The following USP33 variants were observed in gnomAD, a reference collection of about 807,000 sequenced individuals.
The protein encoded by USP33 is ubiquitin specific peptidase 33, also known as ubiquitin carboxyl-terminal hydrolase 33.
In USP33, 46 loss-of-function variants were observed where a neutral mutation model predicts 124.2. That is an observed-to-expected ratio of 0.37 (90% CI 0.29 to 0.47). The LOEUF (loss-of-function observed/expected upper bound fraction) is 0.47, where lower values mean the gene tolerates loss of function less well. Among genes scored for constraint, USP33 ranks in the 20% least tolerant of loss-of-function variants. USP33 has a pLI of 0.99. For missense variants in USP33, 851 were observed against 1,070.6 expected (o/e 0.79, Z 2.86); for synonymous variants, 350 against 352.3 (o/e 0.99, Z 0.07).
chr1:77,723,697 A>G (rs1253270839), intron 11 of USP33, among the ~76,000 whole-genome samples: 2 of 151,964 alleles, frequency 1.3e-5, no homozygotes, highest in African/African-American at 4.8e-5. Flanking sequence ...GGAGTCTCGC[A>G]CTGTTGCCCA....
intron 21 of USP33, among the ~76,000 whole-genome samples, chr1:77,706,635 A>T (rs1035541469): frequency 7.2e-5 from 11 of 152,210 alleles, no homozygotes. Context: ...TTACTTCCAT[A>T]AAATTCACTG....
At chr1:77,741,045 T>C (rs560135582) in intron 3 of USP33, 106 bp from the exon 4 acceptor site, 5 of 779,558 alleles carry the variant, frequency 6.4e-6, no homozygotes, top group South Asian at 2.1e-5. Context: ...TTACCTGTTT[T>C]ACATTCAATG....
intron 5 of USP33, among the ~76,000 whole-genome samples, chr1:77,737,967 T>C (rs1486268202): frequency 6.6e-6 from 1 of 152,204 alleles, no homozygotes; most frequent in Non-Finnish European, 1.5e-5. Context: ...TTGTTAATAA[T>C]GTAAGAGGAT....
At chr1:77,749,306 GT>G (rs1480262500) in intron 1 of USP33, among the ~76,000 whole-genome samples, 1 of 151,440 alleles carries the variant, frequency 6.6e-6, no homozygotes, top group Non-Finnish European at 1.5e-5. Context: ...CACTATTTTT[GT>G]TCTGATCTGT....
At chr1:77,706,047 C>T (rs1674590397) in intron 21 of USP33, among the ~76,000 whole-genome samples, 1 of 152,080 alleles carries the variant, frequency 6.6e-6, no homozygotes, top group Non-Finnish European at 1.5e-5. Context: ...TTTGTTTATC[C>T]ATTTGTCAGA....
chr1:77,721,702 A>T, intron 14 of USP33, 129 bp downstream of exon 14: 2 of 771,726 alleles, frequency 2.6e-6, no homozygotes, highest in South Asian at 3.6e-5. Context: ...CACTAACCGA[A>T]TGCCAATATG....
In USP33 at chr1:77,722,013, T is replaced by C. The variant is rs780429445; in HGVS notation, c.1562+11A>G. 5.6e-6 allele frequency: 9 copies of C among 1,607,760 alleles called. No homozygotes were observed. The highest frequency in any genetic ancestry group is 5.1e-5 in the Admixed American group (3 of 58,538). Reference sequence around the variant, plus strand: ...TAACAATCATGTAATACAAAGAAAATAAATACATACCTCTTCACATATTCC... The same window carrying C: ...TAACAATCATGTAATACAAAGAAAACAAATACATACCTCTTCACATATTCC... On this transcript the variant is annotated intron_variant, in intron 13 of 23. Transcript: ENST00000370794.
rs773916921 is a variant in USP33 at position 77,697,132 on chromosome 1, T to C, written c.*185A>G. ...TATGGTAAGTATTTAAAACTAAATATACCAACCTGTGGTATATTACACATT... is the reference window on the plus strand; with the variant it reads ...TATGGTAAGTATTTAAAACTAAATACACCAACCTGTGGTATATTACACATT... On this transcript the variant is annotated 3_prime_UTR_variant, in exon 24 of 24. Transcript: ENST00000370794. The C allele has an allele frequency of 4.4e-4, 232 of 524,896 alleles. 1 individual carries two copies. Among genetic ancestry groups the C allele is most frequent in the Middle Eastern group, 2.3e-3 (4 of 1,774 alleles). 32.5% of individuals were successfully genotyped at this position (524,896 alleles called of 1,614,324 possible).
chr1:77,705,135 G>GA (rs921487868), intron 21 of USP33, among the ~76,000 whole-genome samples: 1 of 146,012 alleles, frequency 6.8e-6, no homozygotes, highest in South Asian at 2.2e-4. Context: ...AAAGGGGGGG[G>GA]GCTGAATAAA....
rs1295882335 is a variant in USP33 at position 77,728,357 on chromosome 1, G to A, written c.1073C>T (p.Ser358Phe). The part of the protein sequence containing the change: ...GEFDKDRDSI[S>F]ETVDLNNQET... ...CTGGTTGTTTAAGTCGACTGTTTCAGATATAGAGTCTCTATCTTTATCAAA... is the reference window on the plus strand; with the variant it reads ...CTGGTTGTTTAAGTCGACTGTTTCAAATATAGAGTCTCTATCTTTATCAAA... The change falls in exon 10 of 24, where the codon TCT (serine) becomes TTT (phenylalanine). Residue 358 changes from serine to phenylalanine, a missense_variant. Around this residue, in one of 4 missense-constraint regions of USP33, gnomAD observed 207 missense variants for 200.9 expected, o/e 1.03. Transcript: ENST00000370794. The A allele has an allele frequency of 6.2e-7, 1 of 1,613,096 alleles. No individual in the cohort carries two copies. The highest frequency in any genetic ancestry group is 8.5e-7 in the Non-Finnish European group (1 of 1,179,868).
chr1:77,758,327 C>T (rs1320469255), intron 1 of USP33, among the ~76,000 whole-genome samples: 2 of 151,858 alleles, frequency 1.3e-5, no homozygotes, highest in African/African-American at 2.4e-5. Flanking sequence ...ACTACAGGCA[C>T]CTGCCACCAT....
intron 19 of USP33, 81 bp from the exon 20 acceptor site, chr1:77,713,362 G>A (rs919444885): frequency 3.4e-5 from 39 of 1,140,648 alleles, no homozygotes; most frequent in Non-Finnish European, 4.5e-5. Flanking sequence ...TTTTTTAACA[G>A]TAACTAAATG....
chr1:77,736,659 G>A (rs1301871118), intron 5 of USP33, among the ~76,000 whole-genome samples: 1 of 151,830 alleles, frequency 6.6e-6, no homozygotes, highest in Admixed American at 6.6e-5. Context: ...TGCCAGGCTG[G>A]AGTGCAGTGG....
intron 1 of USP33, among the ~76,000 whole-genome samples, chr1:77,750,013 T>G (rs924124606): frequency 2.6e-5 from 4 of 152,346 alleles, no homozygotes; most frequent in Middle Eastern, 3.4e-3. Context: ...TTGCATTATC[T>G]AAACAATTTA....
rs372677734 is a variant in USP33, at chr1:77,717,963, C to T, written c.1822G>A (p.Gly608Ser). 12 of 1,613,850 alleles carry T rather than the reference C, an allele frequency of 7.4e-6. No homozygotes were observed. The African/African-American group carries it at 1.5e-4, about 20-fold the overall frequency. Residue 608 changes from glycine to serine, a missense_variant, in exon 17 of 24, where the codon GGC (glycine) becomes AGC (serine). Transcript: ENST00000370794. ...ISTHVSFPLE[G>S]LDLQPFLAKD... is the part of the protein sequence containing the mutation. ...GCAAGAAATGGCTGAAGATCCAAGC[C>T]TTCTAGCGGAAATGAAACATGGGTA...
chr1:77,720,165 G>GAA (rs745681259), intron 15 of USP33, among the ~76,000 whole-genome samples: 976 of 42,762 alleles, frequency 0.023, 156 homozygotes, highest in Non-Finnish European at 0.032. Context: ...TGTCTCAAAT[G>GAA]AAAAAAAAAA....
chr1:77,730,793 C>A, intron 7 of USP33, 62 bp from the exon 8 acceptor site: 2 of 1,125,894 alleles, frequency 1.8e-6, no homozygotes, highest in South Asian at 3.8e-5. Context: ...TATTTCTAGT[C>A]ATTCAATTAA....
Position 77,759,782 on chromosome 1 carries a change from G to A in USP33, c.-191C>T. 1 of 397,858 alleles carries A rather than the reference G, an allele frequency of 2.5e-6. No individual in the cohort carries two copies. Among genetic ancestry groups the A allele is most frequent in the East Asian group, 3.6e-5 (1 of 28,030 alleles). 24.6% of individuals were successfully genotyped at this position (397,858 alleles called of 1,614,324 possible). A position where few individuals can be genotyped will look rare whatever the true frequency, so the allele number is the denominator to read the frequency against. On this transcript the variant is annotated 5_prime_UTR_variant, in exon 1 of 24. Transcript: ENST00000370794. ...GAGGGCCGGAAAACGGCCCCGCAGC[G>A]CTGCCCTCGGGGGGTCCGCCTCCTG... is the stretch of plus-strand genomic sequence containing the variant.
intron 21 of USP33, among the ~76,000 whole-genome samples, chr1:77,709,200 G>T (rs1674959606): frequency 6.6e-6 from 1 of 151,866 alleles, no homozygotes; most frequent in Non-Finnish European, 1.5e-5. Flanking sequence ...ATTTAATGAG[G>T]TTATATGTTA....
Sources: allele counts gnomAD v4.1 joint callset (sites outside exome capture counted in the v4.1 genomes callset), GRCh38; gene constraint gnomAD v4.1.1; regional missense constraint gnomAD v4.1.1; transcripts MANE v1.5; gene names NCBI Gene and HGNC (gene_info 2026-07-23, HGNC 2026-07-21).